SGIP1: variants seen among roughly 807,000 people sequenced by gnomAD.
The protein encoded by SGIP1 is SH3GL interacting endocytic adaptor 1.
A neutral mutation model predicts 107.5 loss-of-function variants in SGIP1; 38 were observed. The observed-to-expected ratio is 0.35, with a 90% CI of 0.27 to 0.46. The LOEUF is 0.46. Among genes scored for constraint, SGIP1 ranks in the 20% least tolerant of loss-of-function variants. SGIP1 has a pLI of 1.00. For synonymous variants in SGIP1, 365 were observed against 366.1 expected (o/e 1.00, Z 0.03); for missense variants, 929 against 1,019.5 (o/e 0.91, Z 1.21).
rs2094553621 is a variant in SGIP1 at position 66,746,420 on chromosome 1, C to G, written c.*3325C>G. On this transcript the variant is annotated 3_prime_UTR_variant, in exon 25 of 25. Transcript: ENST00000371037. ...CCAGAGCATGGTTTAAATACCATAA[C>G]AGTACACAATGATCTATCATGTGTC... The G allele has an allele frequency of 6.6e-6, 1 of 152,158 alleles. No homozygotes were observed. The highest frequency in any genetic ancestry group is 1.5e-5 in the Non-Finnish European group (1 of 67,986). 9.4% of individuals were successfully genotyped at this position (152,158 alleles called of 1,614,324 possible). A position where few individuals can be genotyped will look rare whatever the true frequency, so the allele number is the denominator to read the frequency against.
intron 1 of SGIP1, among the ~76,000 whole-genome samples, chr1:66,592,992 C>G (rs1307712649): frequency 7.0e-6 from 1 of 143,166 alleles, no homozygotes; most frequent in Non-Finnish European, 1.5e-5. Flanking sequence ...GATCCTCCCA[C>G]CTTTGCCTCC....
At chr1:66,535,731 A>G (rs2053449246) in intron 1 of SGIP1, among the ~76,000 whole-genome samples, 2 of 152,194 alleles carry the variant, frequency 1.3e-5, no homozygotes, top group Admixed American at 1.3e-4. Flanking sequence ...GATTGCTAAC[A>G]CTCTCAGATT....
chr1:66,644,949 A>G (rs61313508), intron 7 of SGIP1, among the ~76,000 whole-genome samples: 20,776 of 151,934 alleles, frequency 0.14, 1,458 homozygotes, highest in African/African-American at 0.16. Flanking sequence ...AAAGTTACAT[A>G]TTGGCCTGTG....
intron 1 of SGIP1, among the ~76,000 whole-genome samples, chr1:66,578,982 G>A (rs2061455098): frequency 1.3e-5 from 2 of 152,122 alleles, no homozygotes; most frequent in South Asian, 2.1e-4. Context: ...ACAGCAAGTC[G>A]AGAGAATTAG....
At position 66,683,607 on chromosome 1, in the gene SGIP1, T is replaced by G. The variant is rs1167585106; in HGVS notation, c.1315+1238T>G. ...AAAACTATTCAAAATCAGCAAGTAT[T>G]TTTACCATAAGACCTTTGGGAGCCT... On this transcript the variant is annotated intron_variant, in intron 15 of 24. Coordinates refer to ENST00000371037, the MANE Select transcript of SGIP1 (RefSeq NM_032291.4). Among the ~76,000 whole-genome samples, 3 of 152,026 alleles carry G rather than the reference T, an allele frequency of 2.0e-5. No individual in the cohort carries two copies. In the East Asian group the frequency reaches 5.8e-4, roughly 29 times the overall value.
At chr1:66,590,777 T>A (rs1006261981) in intron 1 of SGIP1, among the ~76,000 whole-genome samples, 1 of 152,216 alleles carries the variant, frequency 6.6e-6, no homozygotes, top group Non-Finnish European at 1.5e-5. Context: ...TTTTTCAATG[T>A]TTTGTAGAAA....
intron 17 of SGIP1, chr1:66,694,842 G>A (rs1053767340): frequency 7.7e-6 from 2 of 261,108 alleles, no homozygotes; most frequent in East Asian, 1.5e-4. Flanking sequence ...AAATAATAGA[G>A]CATCATTAGT....
At chr1:66,630,898 AG>A (rs2074315702) in intron 2 of SGIP1, among the ~76,000 whole-genome samples, 1 of 8,250 alleles carries the variant, frequency 1.2e-4, no homozygotes, top group South Asian at 0.01. Flanking sequence ...AAAGAAAGAA[AG>A]AAAGAAGGGA....
chr1:66,729,507 C>G, intron 20 of SGIP1, 88 bp downstream of exon 20: 1 of 1,480,318 alleles, frequency 6.8e-7, no homozygotes, highest in Non-Finnish European at 9.3e-7. Context: ...GCAACAGGGT[C>G]GCACTATAGT....
rs568265616 is a variant in SGIP1, at chr1:66,724,360, T to C, written c.1743-4904T>C. ...ATTATTTCCACCATTCAAACTCACATGAAATGTAGCCACCTTGCATACTGG... is the reference window on the plus strand; with the variant it reads ...ATTATTTCCACCATTCAAACTCACACGAAATGTAGCCACCTTGCATACTGG... On this transcript the variant is annotated intron_variant, in intron 19 of 24. Transcript: ENST00000371037. 7.9e-5 allele frequency among the ~76,000 whole-genome samples: 12 copies of C among 152,342 alleles called. No homozygotes were observed. The East Asian group carries it at 2.3e-3, about 29-fold the overall frequency.
chr1:66,550,071 T>C (rs565213816), intron 1 of SGIP1, among the ~76,000 whole-genome samples: 1 of 152,314 alleles, frequency 6.6e-6, no homozygotes, highest in South Asian at 2.1e-4. Context: ...TATAAGCACC[T>C]GCTCTGGCTG....
intron 18 of SGIP1, among the ~76,000 whole-genome samples, chr1:66,703,624 C>T (rs2092208643): frequency 6.6e-6 from 1 of 150,674 alleles, no homozygotes; most frequent in East Asian, 1.9e-4. Flanking sequence ...TATTCTATAT[C>T]ATATGTGTGA....
intron 2 of SGIP1, among the ~76,000 whole-genome samples, chr1:66,630,904 A>AAGGAAAGAAGGG (rs1296769118): frequency 0.66 from 6,085 of 9,174 alleles, 2,765 homozygotes; most frequent in Non-Finnish European, 0.72. Context: ...AGAAAGAAAG[A>AAGGAAAGAAGGG]AGGGAGGGAG....
At chr1:66,551,048 G>A (rs944494944) in intron 1 of SGIP1, among the ~76,000 whole-genome samples, 1 of 151,928 alleles carries the variant, frequency 6.6e-6, no homozygotes, top group Non-Finnish European at 1.5e-5. Context: ...CTTACCTACT[G>A]TTCCTATTAC....
intron 2 of SGIP1, 27 bp downstream of exon 2, chr1:66,625,937 C>G (rs748313471): frequency 6.3e-7 from 1 of 1,587,980 alleles, no homozygotes; most frequent in Non-Finnish European, 8.6e-7. Context: ...TTTGCCTCCT[C>G]GAAGAAGCTA....
chr1:66,706,968 A>T (rs78676183), intron 18 of SGIP1, among the ~76,000 whole-genome samples: 3,026 of 152,258 alleles, frequency 0.02, 96 homozygotes, highest in African/African-American at 0.069. Flanking sequence ...AAATATGGGA[A>T]AGTATAAATA....
intron 24 of SGIP1, among the ~76,000 whole-genome samples, chr1:66,742,854 C>A (rs1008453003): frequency 1.3e-5 from 2 of 152,124 alleles, no homozygotes; most frequent in Non-Finnish European, 2.9e-5. Context: ...CAAACCTCTG[C>A]AAATTGTTGA....
intron 7 of SGIP1, 59 bp from the exon 8 acceptor site, chr1:66,660,454 A>G: frequency 6.6e-7 from 1 of 1,518,054 alleles, no homozygotes; most frequent in Non-Finnish European, 9.1e-7. Flanking sequence ...TCTTCTTGAA[A>G]ATACATTTCA....
chr1:66,684,168 T>A (rs1241377828), intron 15 of SGIP1: 2 of 1,550,606 alleles, frequency 1.3e-6, no homozygotes, highest in Admixed American at 3.9e-5. Context: ...CTGGAGGCAA[T>A]GAACTGGATT....
Sources: allele counts gnomAD v4.1 joint callset (sites outside exome capture counted in the v4.1 genomes callset), GRCh38; gene constraint gnomAD v4.1.1; transcripts MANE v1.5; gene names NCBI Gene and HGNC (gene_info 2026-07-23, HGNC 2026-07-21).